PICALM: variants seen among roughly 807,000 people sequenced by gnomAD.
PICALM encodes phosphatidylinositol-binding clathrin assembly protein.
A neutral mutation model predicts 80.5 loss-of-function variants in PICALM; 40 were observed. The observed-to-expected ratio is 0.50, with a 90% CI of 0.39 to 0.65. The LOEUF is 0.65. Ranked by LOEUF, PICALM falls within the 30% of genes least tolerant of loss-of-function variation. PICALM has a pLI of 0.00. For synonymous variants in PICALM, 288 were observed against 260.3 expected (o/e 1.11, Z -1.02); for missense variants, 676 against 778.9 (o/e 0.87, Z 1.57).
chr11:86,011,006 G>A, intron 7 of PICALM, 24 bp downstream of exon 7: 1 of 998,546 alleles, frequency 1.0e-6, no homozygotes, highest in Non-Finnish European at 1.6e-6. Flanking sequence ...CAAGTTAGGA[G>A]ACAGTCACTT....
At chr11:85,997,021 A>T (rs999133689) in intron 11 of PICALM, 92 bp from the exon 12 acceptor site, 1 of 662,018 alleles carries the variant, frequency 1.5e-6, no homozygotes, top group Admixed American at 3.0e-5. Flanking sequence ...TAAAAACATT[A>T]AAAACAAGGG....
At chr11:85,974,612 T>C in intron 19 of PICALM, 96 bp downstream of exon 19, 1 of 804,430 alleles carries the variant, frequency 1.2e-6, no homozygotes, top group African/African-American at 1.7e-5. Flanking sequence ...TAGAAAGTGC[T>C]AGTAACTTGT....
chr11:86,069,324 C>T (rs1023415600), upstream of PICALM: 1 of 162,666 alleles, frequency 6.1e-6, no homozygotes, highest in Admixed American at 6.4e-5. Context: ...GTGACTCTCC[C>T]TGCCAACAGG....
intron 12 of PICALM, among the ~76,000 whole-genome samples, chr11:85,993,032 C>T (rs189952396): frequency 1.6e-4 from 24 of 151,762 alleles, no homozygotes; most frequent in East Asian, 5.8e-4. Flanking sequence ...ATAATAATAA[C>T]GCTCCAGCTA....
chr11:85,982,934 G>A (rs190549506), intron 14 of PICALM, among the ~76,000 whole-genome samples: 69 of 152,114 alleles, frequency 4.5e-4, no homozygotes, highest in African/African-American at 1.5e-3. Context: ...TATGATCTAG[G>A]AATATTACAG....
chr11:85,989,779 TA>T (rs1252894108), intron 13 of PICALM, among the ~76,000 whole-genome samples: 1 of 152,004 alleles, frequency 6.6e-6, no homozygotes, highest in Admixed American at 6.6e-5. Flanking sequence ...TTGGACAATA[TA>T]AAACTGTGAC....
At position 86,026,295 on chromosome 11, in the gene PICALM, G is replaced by A; in HGVS notation, c.346C>T (p.Gln116Ter). The change falls in exon 3 of 20, where the codon CAA (glutamine) becomes TAA (stop). Residue 116 changes from glutamine to a stop codon, truncating the protein, a stop_gained. Transcript: ENST00000393346. LOFTEE classifies it high-confidence loss of function. ...LSNFLDKSGL[Q>*]GYDMSTFIRR... ...ATAATGTAAAAGTTATCTTTACCTT[G>A]CAATCCACTTTTATCCAAAAAATTG... 1 of 1,539,866 alleles carries A rather than the reference G, an allele frequency of 6.5e-7. No individual in the cohort carries two copies. Among genetic ancestry groups the A allele is most frequent in the Non-Finnish European group, 9.0e-7 (1 of 1,115,500 alleles).
intron 7 of PICALM, among the ~76,000 whole-genome samples, chr11:86,009,978 T>A (rs1393992654): frequency 6.6e-6 from 1 of 152,224 alleles, no homozygotes; most frequent in Non-Finnish European, 1.5e-5. Context: ...TCTGTCCTAT[T>A]GCATCTAATA....
intron 17 of PICALM, 25 bp downstream of exon 17, chr11:85,981,104 T>C: frequency 9.4e-7 from 1 of 1,063,056 alleles, no homozygotes; most frequent in East Asian, 2.4e-5. Context: ...CAACTGTTAG[T>C]CTATCAGGAG....
At chr11:86,060,743 A>G (rs2096347223) in intron 1 of PICALM, among the ~76,000 whole-genome samples, 1 of 151,976 alleles carries the variant, frequency 6.6e-6, no homozygotes, top group Non-Finnish European at 1.5e-5. Context: ...GGCAAAAAAA[A>G]AAAAAATGAA....
intron 11 of PICALM, among the ~76,000 whole-genome samples, chr11:85,997,380 A>C (rs1397607505): frequency 1.3e-5 from 2 of 152,250 alleles, no homozygotes; most frequent in African/African-American, 2.4e-5. Flanking sequence ...CTCAGTGTCC[A>C]AACTATGTAT....
chr11:85,986,408 G>T, intron 13 of PICALM, among the ~76,000 whole-genome samples: 1 of 94,048 alleles, frequency 1.1e-5, no homozygotes, highest in South Asian at 3.7e-4. Context: ...TTTTGAGACG[G>T]AGTCTCGCTC....
intron 13 of PICALM, among the ~76,000 whole-genome samples, chr11:85,986,073 C>G (rs929723023): frequency 1.3e-5 from 2 of 151,762 alleles, no homozygotes; most frequent in Admixed American, 1.3e-4. Flanking sequence ...TATAAAGTAA[C>G]CCAGAACTTG....
At chr11:86,035,619 C>A (rs1490386260) in intron 1 of PICALM, among the ~76,000 whole-genome samples, 1 of 152,062 alleles carries the variant, frequency 6.6e-6, no homozygotes, top group Non-Finnish European at 1.5e-5. Context: ...AAATTTACAA[C>A]CTAAAATTGA....
intron 1 of PICALM, among the ~76,000 whole-genome samples, chr11:86,050,757 T>C (rs2096172862): frequency 6.6e-6 from 1 of 152,070 alleles, no homozygotes; most frequent in Non-Finnish European, 1.5e-5. Context: ...TCCCCCAATA[T>C]GAACAACAGG....
intron 14 of PICALM, chr11:85,982,217 C>T: frequency 6.0e-6 from 3 of 499,038 alleles, no homozygotes; most frequent in Non-Finnish European, 3.6e-6. Context: ...CAGAAATCAT[C>T]TCTTATCTCA....
At chr11:86,004,042 A>G (rs2095221226) in intron 8 of PICALM, among the ~76,000 whole-genome samples, 1 of 152,200 alleles carries the variant, frequency 6.6e-6, no homozygotes, top group South Asian at 2.1e-4. Context: ...GTTCTTTACA[A>G]AGTTAAATAC....
intron 8 of PICALM, among the ~76,000 whole-genome samples, chr11:86,003,999 TAGG>T (rs1195632838): frequency 2.0e-5 from 3 of 152,216 alleles, no homozygotes; most frequent in African/African-American, 7.2e-5. Flanking sequence ...ATATCACTAG[TAGG>T]AGTTTATCAC....
chr11:86,038,540 T>G (rs962059504), intron 1 of PICALM, among the ~76,000 whole-genome samples: 1 of 151,692 alleles, frequency 6.6e-6, no homozygotes, highest in Non-Finnish European at 1.5e-5. Context: ...CCCAGCACTT[T>G]GGGAGACCGA....
Sources: gnomAD v4.1 joint callset for allele counts (sites outside exome capture counted in the v4.1 genomes callset) on GRCh38, gnomAD v4.1.1 for gene constraint, MANE v1.5 for transcripts, NCBI Gene and HGNC (gene_info 2026-07-23, HGNC 2026-07-21) for gene names.